Variants in GATA6 observed in about 807,000 individuals in gnomAD.
GATA6 encodes the protein GATA binding protein 6, also known as transcription factor GATA-6.
Under a neutral mutation model 48.1 loss-of-function variants are expected in GATA6, and 11 were observed. That is an observed-to-expected ratio of 0.23 (90% CI 0.14 to 0.38). The LOEUF (loss-of-function observed/expected upper bound fraction) is 0.38. Ranked by LOEUF, GATA6 falls within the 10% of genes least tolerant of loss-of-function variation. GATA6 has a pLI of 1.00. For missense variants in GATA6, 795 were observed against 850.3 expected (o/e 0.93, Z 0.81); for synonymous variants, 419 against 396.1 (o/e 1.06, Z -0.69).
At chr18:22,193,877 G>A (rs759367712) in intron 6 of GATA6, among the ~76,000 whole-genome samples, 1 of 152,258 alleles carries the variant, frequency 6.6e-6, no homozygotes, top group East Asian at 1.9e-4. Flanking sequence ...AAAAGGCTAC[G>A]CCCTTTCAGG....
chr18:22,196,820 C>T (rs1035031527), intron 6 of GATA6, among the ~76,000 whole-genome samples: 16 of 152,092 alleles, frequency 1.1e-4, no homozygotes, highest in East Asian at 1.9e-4. Flanking sequence ...TTTATTTTTG[C>T]GAAGAACTGT....
chr18:22,169,707 A>G (rs922318766), intron 1 of GATA6, 25 bp downstream of exon 1: 1 of 151,798 alleles, frequency 6.6e-6, no homozygotes, highest in Non-Finnish European at 1.5e-5. Context: ...TCCTCGCGCG[A>G]TCTCCCCGCT....
In GATA6 at chr18:22,171,941, C is replaced by T; in HGVS notation, c.797C>T (p.Ser266Phe). ...CACGTCTCGGCGCGCTTCCCCTACTCTCCCAGCCCGCCCATGGCCAACGGC... is the reference window on the plus strand; with the variant it reads ...CACGTCTCGGCGCGCTTCCCCTACTTTCCCAGCCCGCCCATGGCCAACGGC... ...AAHVSARFPYSPSPPMANGAA... is the reference protein window; with the variant it reads ...AAHVSARFPYFPSPPMANGAA... Residue 266 changes from serine (S) to phenylalanine (F), a missense_variant, in exon 2 of 7, where the codon TCT (serine) becomes TTT (phenylalanine). By Grantham distance (155) the Ser-to-Phe change is radical. Transcript: ENST00000269216. The surrounding 1 kb of genome is among the most constrained non-coding windows in gnomAD (Gnocchi z 7.1). The T allele has an allele frequency of 8.4e-7, 1 of 1,193,974 alleles. No individual in the cohort carries two copies. Among genetic ancestry groups the T allele is most frequent in the Non-Finnish European group, 1.0e-6 (1 of 964,124 alleles). 74.0% of individuals were successfully genotyped at this position (1,193,974 alleles called of 1,614,324 possible).
chr18:22,196,175 A>G (rs1487143840), intron 6 of GATA6, among the ~76,000 whole-genome samples: 3 of 152,354 alleles, frequency 2.0e-5, no homozygotes, highest in East Asian at 1.9e-4. Flanking sequence ...GCTACCAAGC[A>G]TTGGGCACAA....
chr18:22,181,250 C>T (rs1388162512), intron 3 of GATA6, among the ~76,000 whole-genome samples: 3 of 152,140 alleles, frequency 2.0e-5, no homozygotes, highest in Non-Finnish European at 4.4e-5. Flanking sequence ...CTATAGGGTC[C>T]AGCATACTAT....
In GATA6 at chr18:22,171,882, C is replaced by G; in HGVS notation, c.738C>G (p.Ala246=). 1 of 1,152,480 alleles carries G rather than the reference C, an allele frequency of 8.7e-7. No homozygotes were observed. The highest frequency in any genetic ancestry group is 4.8e-5 in the Admixed American group (1 of 20,946). 71.4% of individuals were successfully genotyped at this position (1,152,480 alleles called of 1,614,324 possible). A position where few individuals can be genotyped will look rare whatever the true frequency, so the allele number is the denominator to read the frequency against. ...GAGGCGGCGCGGCTGGCGGCGGGGC[C>G]GCGGGGCCTGGCGGCGCTGGCTCAG... is the stretch of plus-strand genomic sequence containing the variant. ...GSGGGAAGGG[A]AGPGGAGSAA... is the part of the protein sequence containing the mutation. The change falls in exon 2 of 7, where the codon GCC becomes GCG. Residue 246 remains alanine (A), a synonymous_variant. Coordinates refer to ENST00000269216, the MANE Select transcript of GATA6 (RefSeq NM_005257.6). This position sits in a 1 kb window ranked among gnomAD's most constrained non-coding sequence, Gnocchi z 7.1.
At chr18:22,200,520 C>T in intron 6 of GATA6, 136 bp from the exon 7 acceptor site, 1 of 1,099,592 alleles carries the variant, frequency 9.1e-7, no homozygotes, top group Non-Finnish European at 1.4e-6. Context: ...TTCATTTCTC[C>T]TGCCCTGGGT....
intron 2 of GATA6, chr18:22,175,512 TTA>T (rs2033110310): frequency 6.6e-6 from 1 of 152,220 alleles, no homozygotes; most frequent in Non-Finnish European, 1.5e-5. Context: ...ATTTTACTGA[TTA>T]CCGTAGTCAA....
rs2033473481 is a variant in GATA6 at position 22,202,333 on chromosome 18, GGGCGA to G, written c.*1511_*1515del. 1 of 152,124 alleles carries G rather than the reference GGGCGA, an allele frequency of 6.6e-6. No individual in the cohort carries two copies. Among genetic ancestry groups the G allele is most frequent in the African/African-American group, 2.4e-5 (1 of 41,400 alleles). 9.4% of individuals were successfully genotyped at this position (152,124 alleles called of 1,614,324 possible). A position where few individuals can be genotyped will look rare whatever the true frequency, so the allele number is the denominator to read the frequency against. On this transcript the variant is annotated 3_prime_UTR_variant, in exon 7 of 7. Coordinates refer to ENST00000269216, the MANE Select transcript of GATA6 (RefSeq NM_005257.6). Reference sequence around the variant, plus strand: ...TGAAATATATTCTGGCCCACGAACAGGGCGATTTCCTTTCAGTTTTTTCCTTTTGC... The same window carrying G: ...TGAAATATATTCTGGCCCACGAACAGTTTCCTTTCAGTTTTTTCCTTTTGC...
Position 22,185,456 on chromosome 18 carries a change from ATCTCTCCGAGC to A in GATA6, c.1620+2418_1620+2428del, listed in dbSNP as rs1176427124. 6.6e-6 allele frequency among the ~76,000 whole-genome samples: 1 copy of A among 152,224 alleles called. No homozygotes were observed. The highest frequency in any genetic ancestry group is 1.5e-5 in the Non-Finnish European group (1 of 68,042). ...CTGGTGTGAGCTGCAGCCAGGGGGC[ATCTCTCCGAGC>A]TCTCCAGCCTCTGGGCTGCGCAGCA... On this transcript the variant is annotated intron_variant, in intron 6 of 6. Transcript: ENST00000269216. This position sits in a 1 kb window ranked among gnomAD's most constrained non-coding sequence, Gnocchi z 4.3.
intron 3 of GATA6, among the ~76,000 whole-genome samples, chr18:22,178,223 C>T (rs1384109209): frequency 6.6e-6 from 1 of 152,088 alleles, no homozygotes; most frequent in African/African-American, 2.4e-5. Context: ...CCTCGGCCTC[C>T]CGAAGTGCTA....
At chr18:22,183,207 C>CA (rs1490670414) in intron 6 of GATA6, among the ~76,000 whole-genome samples, 164 bp downstream of exon 6, 1 of 152,152 alleles carries the variant, frequency 6.6e-6, no homozygotes, top group Non-Finnish European at 1.5e-5. Context: ...TAAATGTCAA[C>CA]AAAATGACAA....
rs559273450 is a variant in GATA6 at position 22,187,348 on chromosome 18, C to T, written c.1620+4305C>T. Reference sequence around the variant, plus strand: ...ATACAAACTTAGCCAGGCACGGTGGCGCATGCCTGTAATCCCAGCTACTCT... The same window carrying T: ...ATACAAACTTAGCCAGGCACGGTGGTGCATGCCTGTAATCCCAGCTACTCT... On this transcript the variant is annotated intron_variant, in intron 6 of 6. Transcript: ENST00000269216. Among the ~76,000 whole-genome samples the T allele has an allele frequency of 2.6e-5, 4 of 152,112 alleles. No individual in the cohort carries two copies. In the East Asian group the frequency reaches 5.8e-4, roughly 22 times the overall value.
At chr18:22,197,715 G>A (rs1310828814) in intron 6 of GATA6, among the ~76,000 whole-genome samples, 2 of 152,186 alleles carry the variant, frequency 1.3e-5, no homozygotes, top group Non-Finnish European at 2.9e-5. Flanking sequence ...GAGGACCCAG[G>A]CACAGAGGAG....
intron 6 of GATA6, among the ~76,000 whole-genome samples, chr18:22,197,474 G>A (rs2033405343): frequency 6.6e-6 from 1 of 152,110 alleles, no homozygotes; most frequent in South Asian, 2.1e-4. Context: ...TCTCCCACAT[G>A]GTCTGTTCAC....
chr18:22,177,254 C>T (rs985756289), intron 3 of GATA6, 133 bp downstream of exon 3: 2 of 779,992 alleles, frequency 2.6e-6, no homozygotes, highest in African/African-American at 3.8e-5. Flanking sequence ...CGGTCCCACC[C>T]TAGCGGGGAC....
At position 22,171,249 on chromosome 18, in the gene GATA6, G is replaced by T; in HGVS notation, c.105G>T (p.Pro35=). The part of the protein sequence containing the change: ...RAFPAREPST[P]PSPISSSSSS... ...TTCCAGCGCGGGAGCCCTCCACGCC[G>T]CCTTCCCCCATCTCTTCCTCGTCCT... The change falls in exon 2 of 7, where the codon CCG becomes CCT. Residue 35 remains proline (P), a synonymous_variant. Transcript: ENST00000269216. The surrounding 1 kb of genome is among the most constrained non-coding windows in gnomAD (Gnocchi z 7.1). 1 of 1,598,478 alleles carries T rather than the reference G, an allele frequency of 6.3e-7. No individual in the cohort carries two copies. The highest frequency in any genetic ancestry group is 8.5e-7 in the Non-Finnish European group (1 of 1,178,942).
Position 22,198,071 on chromosome 18 carries a change from TTTC to T in GATA6, c.1621-2582_1621-2580del, listed in dbSNP as rs202022105. Among the ~76,000 whole-genome samples, 1,314 of 136,010 alleles carry T rather than the reference TTTC, an allele frequency of 9.7e-3. 25 individuals carry two copies. The highest frequency in any genetic ancestry group is 0.034 in the African/African-American group (1,241 of 36,870). 89.2% of individuals were successfully genotyped at this position (136,010 alleles called of 152,430 possible). ...AATGTTTCTTTTTTTCTTCTCTTTCTTTCTTTTTTTTTTTTTAATTTTTACTTT... is the reference window on the plus strand; with the variant it reads ...AATGTTTCTTTTTTTCTTCTCTTTCTTTTTTTTTTTTTTAATTTTTACTTT... On this transcript the variant is annotated intron_variant, in intron 6 of 6. Coordinates refer to ENST00000269216, the MANE Select transcript of GATA6 (RefSeq NM_005257.6).
At position 22,171,326 on chromosome 18, in the gene GATA6, G is replaced by A. The variant is rs750899923; in HGVS notation, c.182G>A (p.Gly61Glu). The change falls in exon 2 of 7, where the codon GGG (glycine) becomes GAG (glutamate). Residue 61 changes from glycine (G) to glutamate (E), a missense_variant. Gly to Glu is a moderately conservative substitution (Grantham distance 98). Coordinates refer to ENST00000269216, the MANE Select transcript of GATA6 (RefSeq NM_005257.6). This position sits in a 1 kb window ranked among gnomAD's most constrained non-coding sequence, Gnocchi z 7.1. ...ERGPGGASNC[G>E]TPQLDTEAAA... ...GGCCCCGGCGGCGCCAGCAACTGCG[G>A]GACGCCTCAGCTCGACACGGAGGCG... The A allele has an allele frequency of 6.3e-7, 1 of 1,587,948 alleles. No individual in the cohort carries two copies. The highest frequency in any genetic ancestry group is 1.1e-5 in the South Asian group (1 of 90,002).
Sources: gnomAD v4.1 joint callset for allele counts (sites outside exome capture counted in the v4.1 genomes callset) on GRCh38, gnomAD v4.1.1 for gene constraint, Gnocchi (gnomAD v3.1) non-coding constraint, MANE v1.5 for transcripts, NCBI Gene and HGNC (gene_info 2026-07-23, HGNC 2026-07-21) for gene names.